Variants in NCK1 observed in about 807,000 individuals in gnomAD.
The protein encoded by NCK1 is SH2/SH3 adapter protein NCK1.
A neutral mutation model predicts 36.6 loss-of-function variants in NCK1; 19 were observed. That is an observed-to-expected ratio of 0.52 (90% CI 0.36 to 0.76). NCK1 has a LOEUF of 0.76. Among genes scored for constraint, NCK1 ranks in the 30% least tolerant of loss-of-function variants. NCK1 has a pLI of 0.00. For synonymous variants in NCK1, 165 were observed against 156.0 expected (o/e 1.06, Z -0.43); for missense variants, 358 against 445.6 (o/e 0.80, Z 1.77).
In NCK1 at chr3:136,949,377, C is replaced by T. The variant is rs888808515; in HGVS notation, c.*924C>T. The stretch of plus-strand genomic sequence containing the variant: ...CTCCTCACTAAATATCAGTAATTGT[C>T]AGGAATGGTATTACCTATTTTCATT... On this transcript the variant is annotated 3_prime_UTR_variant, in exon 4 of 4. Coordinates refer to ENST00000481752, the MANE Select transcript of NCK1 (RefSeq NM_001291999.2). 1.3e-5 allele frequency: 2 copies of T among 150,724 alleles called. No individual in the cohort carries two copies. Among genetic ancestry groups the T allele is most frequent in the Non-Finnish European group, 3.0e-5 (2 of 67,560 alleles). The allele number at this position is 150,724 out of a possible 1,614,324, so 9.3% of individuals were successfully genotyped here. A position where few individuals can be genotyped will look rare whatever the true frequency, so the allele number is the denominator to read the frequency against.
At chr3:136,883,320 G>T (rs376435532) in intron 1 of NCK1, among the ~76,000 whole-genome samples, 200 of 152,204 alleles carry the variant, frequency 1.3e-3, no homozygotes, top group South Asian at 8.7e-3. Context: ...CTAGCCATAC[G>T]GTCATTTTCT....
intron 2 of NCK1, among the ~76,000 whole-genome samples, chr3:136,944,989 C>T (rs1227866177): frequency 6.6e-6 from 1 of 152,142 alleles, no homozygotes; most frequent in African/African-American, 2.4e-5. Flanking sequence ...TTGGAGGTTA[C>T]ATATGACTGG....
intron 2 of NCK1, among the ~76,000 whole-genome samples, chr3:136,942,088 G>T (rs4678276): frequency 0.68 from 103,727 of 152,034 alleles, 35,671 homozygotes; most frequent in East Asian, 0.87. Flanking sequence ...TCCACCCACC[G>T]CTGTCTCCCA....
intron 1 of NCK1, among the ~76,000 whole-genome samples, chr3:136,873,210 G>A (rs1938676895): frequency 6.6e-6 from 1 of 152,192 alleles, no homozygotes; most frequent in Non-Finnish European, 1.5e-5. Flanking sequence ...CAGAGTCAGA[G>A]GTGCCCAAGA....
In NCK1 at chr3:136,929,274, T is replaced by G. The variant is rs934820776; in HGVS notation, c.226+1047T>G. Among the ~76,000 whole-genome samples, 8 of 152,304 alleles carry G rather than the reference T, an allele frequency of 5.3e-5. No individual in the cohort carries two copies. In the South Asian group the frequency reaches 1.7e-3, roughly 32 times the overall value. ...TCAACATTATTGTTATTCTAGAATGTTCTTCTAATTATCAATAAAATACAA... is the reference window on the plus strand; with the variant it reads ...TCAACATTATTGTTATTCTAGAATGGTCTTCTAATTATCAATAAAATACAA... On this transcript the variant is annotated intron_variant, in intron 2 of 3. Coordinates refer to ENST00000481752, the MANE Select transcript of NCK1 (RefSeq NM_001291999.2).
chr3:136,882,832 G>C (rs1336842184), intron 1 of NCK1, among the ~76,000 whole-genome samples: 1 of 152,162 alleles, frequency 6.6e-6, no homozygotes, highest in Non-Finnish European at 1.5e-5. Context: ...GTATAGCAGT[G>C]TCTTAATGAA....
intron 1 of NCK1, among the ~76,000 whole-genome samples, chr3:136,880,748 A>G (rs1576948073): frequency 6.6e-6 from 1 of 152,094 alleles, no homozygotes; most frequent in East Asian, 1.9e-4. Context: ...AGGACCACCT[A>G]GGTGTGTGTG....
chr3:136,871,745 C>G (rs1038644576), intron 1 of NCK1, among the ~76,000 whole-genome samples: 4 of 152,286 alleles, frequency 2.6e-5, no homozygotes, highest in South Asian at 4.1e-4. Flanking sequence ...GTTGGCAGAA[C>G]CTGGTGGGAG....
At position 136,949,035 on chromosome 3, in the gene NCK1, T is replaced by C. The variant is rs1486930156; in HGVS notation, c.*582T>C. On this transcript the variant is annotated 3_prime_UTR_variant, in exon 4 of 4. Transcript: ENST00000481752. Reference sequence around the variant, plus strand: ...AAAATACATTCATTGTCTTCAGTCATACAGCAAGACACATGAGACATAGAT... The same window carrying C: ...AAAATACATTCATTGTCTTCAGTCACACAGCAAGACACATGAGACATAGAT... 1 of 152,458 alleles carries C rather than the reference T, an allele frequency of 6.6e-6. No homozygotes were observed. The highest frequency in any genetic ancestry group is 1.9e-4 in the East Asian group (1 of 5,194). 9.4% of individuals were successfully genotyped at this position (152,458 alleles called of 1,614,324 possible).
chr3:136,883,101 A>G (rs1457214617), intron 1 of NCK1, among the ~76,000 whole-genome samples: 1 of 152,114 alleles, frequency 6.6e-6, no homozygotes, highest in Non-Finnish European at 1.5e-5. Context: ...TGTGTTTTTT[A>G]GTAGACACAG....
At chr3:136,887,223 A>T (rs538039773) in intron 1 of NCK1, among the ~76,000 whole-genome samples, 1 of 152,276 alleles carries the variant, frequency 6.6e-6, no homozygotes, top group South Asian at 2.1e-4. Flanking sequence ...GTGGCTGTTC[A>T]CAGGCACCAT....
chr3:136,869,300 G>A (rs1161230926), intron 1 of NCK1, among the ~76,000 whole-genome samples: 6 of 150,656 alleles, frequency 4.0e-5, no homozygotes, highest in East Asian at 2.0e-4. Context: ...TAATCCCAGC[G>A]CTTTGGGAGG....
At chr3:136,917,437 C>T (rs1430794710) in intron 1 of NCK1, among the ~76,000 whole-genome samples, 1 of 152,162 alleles carries the variant, frequency 6.6e-6, no homozygotes, top group African/African-American at 2.4e-5. Context: ...TTTTACTTTG[C>T]ATCTTTAAAG....
intron 1 of NCK1, among the ~76,000 whole-genome samples, chr3:136,911,847 T>C (rs1248315901): frequency 6.6e-6 from 1 of 152,176 alleles, no homozygotes; most frequent in African/African-American, 2.4e-5. Context: ...TTTGCCAGTA[T>C]AGGATTCTTA....
In NCK1 at chr3:136,945,838, C is replaced by G. The variant is rs1303546100; in HGVS notation, c.482C>G (p.Thr161Ser). Reference sequence around the variant, plus strand: ...GGATGGTTCCCTTCAAACTATGTAACTGAAGAAGGTGACAGTCCTTTGGGT... The same window carrying G: ...GGATGGTTCCCTTCAAACTATGTAAGTGAAGAAGGTGACAGTCCTTTGGGT... ...QVGWFPSNYV[T>S]EEGDSPLGDH... is the part of the protein sequence containing the mutation. Residue 161 changes from threonine (T) to serine (S), a missense_variant, in exon 3 of 4, where the codon ACT becomes AGT. Physicochemically the swap from Thr to Ser is moderately conservative, Grantham distance 58 (BLOSUM62 1). This residue lies in a region of NCK1 where 207 missense variants were observed against 253.4 expected (regional missense o/e 0.82). Transcript: ENST00000481752. 1 of 1,614,094 alleles carries G rather than the reference C, an allele frequency of 6.2e-7. No homozygotes were observed. The highest frequency in any genetic ancestry group is 8.5e-7 in the Non-Finnish European group (1 of 1,180,010).
chr3:136,881,380 C>T (rs542276162), intron 1 of NCK1, among the ~76,000 whole-genome samples: 269 of 152,082 alleles, frequency 1.8e-3, no homozygotes, highest in Non-Finnish European at 3.4e-3. Context: ...CCACTACGCC[C>T]GGCTAATTTT....
At chr3:136,927,819 A>T (rs1311399527) in intron 1 of NCK1, among the ~76,000 whole-genome samples, 165 bp from the exon 2 acceptor site, 4 of 152,190 alleles carry the variant, frequency 2.6e-5, no homozygotes, top group Admixed American at 2.6e-4. Context: ...GCGCACGGCC[A>T]TACAGTCACA....
intron 2 of NCK1, among the ~76,000 whole-genome samples, chr3:136,941,581 C>G (rs1183065596): frequency 1.3e-5 from 2 of 152,126 alleles, no homozygotes; most frequent in Non-Finnish European, 2.9e-5. Context: ...ATGCATAACT[C>G]TGCTCCTTTG....
chr3:136,874,718 TTTG>T (rs1378455260), intron 1 of NCK1, among the ~76,000 whole-genome samples: 1 of 152,162 alleles, frequency 6.6e-6, no homozygotes, highest in Non-Finnish European at 1.5e-5. Flanking sequence ...AGTGTTTTTG[TTTG>T]TTTTGTTTTT....
Sources: allele counts gnomAD v4.1 joint callset (sites outside exome capture counted in the v4.1 genomes callset), GRCh38; gene constraint gnomAD v4.1.1; regional missense constraint gnomAD v4.1.1; transcripts MANE v1.5; gene names NCBI Gene and HGNC (gene_info 2026-07-23, HGNC 2026-07-21).